The following PRKAA1 variants were observed in gnomAD, a reference collection of about 807,000 sequenced individuals.
The protein encoded by PRKAA1 is 5'-AMP-activated protein kinase catalytic subunit alpha-1.
In PRKAA1, 23 loss-of-function variants were observed where a neutral mutation model predicts 56.9. The ratio of observed to expected loss-of-function variants is 0.40; its 90% confidence interval spans 0.29 to 0.57. The LOEUF is 0.57. Among genes scored for constraint, PRKAA1 ranks in the 20% least tolerant of loss-of-function variants. The pLI is 0.39. For missense variants in PRKAA1, 413 were observed against 679.7 expected (o/e 0.61, Z 4.36); for synonymous variants, 226 against 227.0 (o/e 1.00, Z 0.04).
intron 3 of PRKAA1, 22 bp downstream of exon 3, chr5:40,775,388 G>A (rs757549167): frequency 3.2e-6 from 5 of 1,545,974 alleles, no homozygotes; most frequent in Non-Finnish European, 4.5e-6. Context: ...AATACATACA[G>A]AATTAAAGCA....
chr5:40,792,849 G>A (rs976098609), intron 1 of PRKAA1, among the ~76,000 whole-genome samples: 2 of 151,876 alleles, frequency 1.3e-5, no homozygotes, highest in Non-Finnish European at 2.9e-5. Flanking sequence ...GATCACCTGA[G>A]GTCAGGAGTT....
In PRKAA1 at chr5:40,798,153, C is replaced by A; in HGVS notation, c.37G>T (p.Ala13Ser). 1 of 1,591,964 alleles carries A rather than the reference C, an allele frequency of 6.3e-7. No homozygotes were observed. The highest frequency in any genetic ancestry group is 8.6e-7 in the Non-Finnish European group (1 of 1,167,446). Reference sequence around the variant, plus strand: ...CGCCCGTCGTGTTTCTGCTTCTCGGCTGTCGCCATCTTTCTCCAGGAACTG... The same window carrying A: ...CGCCCGTCGTGTTTCTGCTTCTCGGATGTCGCCATCTTTCTCCAGGAACTG... The part of the protein sequence containing the change: ...RLSSWRKMAT[A>S]EKQKHDGRVK... The change falls in exon 1 of 9, where the codon GCC becomes TCC. Residue 13 changes from alanine (A) to serine (S), a missense_variant. Ala to Ser is a moderately conservative substitution (Grantham distance 99). Around this residue, in one of 9 missense-constraint regions of PRKAA1, gnomAD observed 61 missense variants for 73.1 expected, o/e 0.83. Coordinates refer to ENST00000397128, the MANE Select transcript of PRKAA1 (RefSeq NM_006251.6).
chr5:40,797,203 T>C (rs1047288489), intron 1 of PRKAA1, among the ~76,000 whole-genome samples: 14 of 152,210 alleles, frequency 9.2e-5, no homozygotes, highest in Admixed American at 9.2e-4. Flanking sequence ...TGCTGTACAA[T>C]GCACCCAATA....
At chr5:40,787,705 T>TAA (rs142993409) in intron 1 of PRKAA1, among the ~76,000 whole-genome samples, 33 of 148,342 alleles carry the variant, frequency 2.2e-4, no homozygotes, top group Non-Finnish European at 2.8e-4. Flanking sequence ...TTGCAAAAGA[T>TAA]AAAAAGAAAA....
intron 1 of PRKAA1, among the ~76,000 whole-genome samples, chr5:40,788,600 C>T (rs1744591482): frequency 6.6e-6 from 1 of 152,100 alleles, no homozygotes; most frequent in Non-Finnish European, 1.5e-5. Flanking sequence ...CAGGCCGAGG[C>T]AGGCGGATCA....
intron 5 of PRKAA1, chr5:40,768,446 G>A (rs1459430081): frequency 1.1e-6 from 1 of 930,970 alleles, no homozygotes; most frequent in Non-Finnish European, 1.3e-6. Context: ...TCCATGTCCT[G>A]AATTGTTTTA....
intron 5 of PRKAA1, 24 bp downstream of exon 5, chr5:40,769,392 G>A: frequency 6.5e-7 from 1 of 1,532,544 alleles, no homozygotes; most frequent in Non-Finnish European, 9.0e-7. Flanking sequence ...AATGTATTGA[G>A]GGAGGCAGGG....
At chr5:40,767,396 C>CTT in intron 6 of PRKAA1, 70 bp downstream of exon 6, 77 of 1,036,872 alleles carry the variant, frequency 7.4e-5, no homozygotes, top group Non-Finnish European at 8.5e-5. Context: ...TGTTCTGCAA[C>CTT]TTTTTTTTTT....
Position 40,785,839 on chromosome 5 carries a change from CAGAGAG to C in PRKAA1, c.128-8259_128-8254del, listed in dbSNP as rs10594859. Among the ~76,000 whole-genome samples the C allele has an allele frequency of 7.0e-4, 41 of 58,544 alleles. No individual in the cohort carries two copies. In the South Asian group the frequency reaches 8.3e-3, roughly 12 times the overall value. 38.4% of individuals were successfully genotyped at this position (58,544 alleles called of 152,430 possible). On this transcript the variant is annotated intron_variant, in intron 1 of 8. Transcript: ENST00000397128. ...AGAGGAGAGCACACACACACACACA[CAGAGAG>C]AGAGAGAGAGAGAGAGAGAGAGAGA...
chr5:40,770,489 T>C (rs1371089845), intron 4 of PRKAA1, among the ~76,000 whole-genome samples: 1 of 151,760 alleles, frequency 6.6e-6, no homozygotes, highest in African/African-American at 2.4e-5. Flanking sequence ...AAAAAAGTTA[T>C]CTGATTTGAA....
intron 6 of PRKAA1, 70 bp downstream of exon 6, chr5:40,767,396 C>CT (rs900284432): frequency 0.041 from 38,653 of 940,702 alleles, no homozygotes; most frequent in South Asian, 0.052. Flanking sequence ...TGTTCTGCAA[C>CT]TTTTTTTTTT....
intron 3 of PRKAA1, among the ~76,000 whole-genome samples, chr5:40,774,387 A>G (rs1743891348): frequency 6.6e-6 from 1 of 152,152 alleles, no homozygotes; most frequent in Non-Finnish European, 1.5e-5. Context: ...AATTTCAGAA[A>G]ATAAGAAACT....
chr5:40,782,869 G>T (rs541993444), intron 1 of PRKAA1, among the ~76,000 whole-genome samples: 1 of 152,004 alleles, frequency 6.6e-6, no homozygotes, highest in Non-Finnish European at 1.5e-5. Context: ...CCAAAAGAAG[G>T]CATAATAAGC....
chr5:40,791,090 G>A lies in PRKAA1; in HGVS notation c.127+6973C>T, dbSNP rs559033773. 3.9e-5 allele frequency among the ~76,000 whole-genome samples: 6 copies of A among 152,282 alleles called. No homozygotes were observed. In the South Asian group the frequency reaches 8.3e-4, roughly 21 times the overall value. ...GTGCAGTGAGAGGGACAAAGGGCTT[G>A]GCATGGTATCAGAAACTAAACTGTT... On this transcript the variant is annotated intron_variant, in intron 1 of 8. Transcript: ENST00000397128.
chr5:40,775,350 G>A, intron 3 of PRKAA1, 60 bp downstream of exon 3: 3 of 1,313,378 alleles, frequency 2.3e-6, no homozygotes, highest in South Asian at 1.2e-5. Context: ...ACATTTTGAT[G>A]CTAGTAAAGG....
chr5:40,768,462 A>G (rs964014084), intron 5 of PRKAA1: 2 of 930,716 alleles, frequency 2.1e-6, no homozygotes, highest in African/African-American at 3.6e-5. Context: ...TTTTATTCCT[A>G]AAAGAATTAA....
intron 1 of PRKAA1, among the ~76,000 whole-genome samples, chr5:40,789,348 C>G (rs562845074): frequency 2.6e-4 from 39 of 152,238 alleles, no homozygotes; most frequent in Admixed American, 3.9e-4. Flanking sequence ...TGGCTATTAT[C>G]AAAAAGGTGA....
In PRKAA1 at chr5:40,760,623, ATTAC is replaced by A. The variant is rs1743143684; in HGVS notation, c.*2151_*2154del. The A allele has an allele frequency of 6.5e-6, 1 of 152,752 alleles. No homozygotes were observed. Among genetic ancestry groups the A allele is most frequent in the Non-Finnish European group, 1.5e-5 (1 of 68,012 alleles). The allele number at this position is 152,752 out of a possible 1,614,324, so 9.5% of individuals were successfully genotyped here. Reference sequence around the variant, plus strand: ...GAACTCATATTTAAATGGAACTTCTATTACTTTGTACAGCTTTCAAATTAGAAGT... The same window carrying A: ...GAACTCATATTTAAATGGAACTTCTATTTGTACAGCTTTCAAATTAGAAGT... On this transcript the variant is annotated 3_prime_UTR_variant, in exon 9 of 9. Transcript: ENST00000397128.
intron 2 of PRKAA1, among the ~76,000 whole-genome samples, chr5:40,776,198 G>C (rs1302628240): frequency 6.6e-6 from 1 of 152,230 alleles, no homozygotes; most frequent in Non-Finnish European, 1.5e-5. Context: ...AAGGAACTGA[G>C]AAGCAATCAA....
Sources: allele counts gnomAD v4.1 joint callset (sites outside exome capture counted in the v4.1 genomes callset), GRCh38; gene constraint gnomAD v4.1.1; regional missense constraint gnomAD v4.1.1; transcripts MANE v1.5; gene names NCBI Gene and HGNC (gene_info 2026-07-23, HGNC 2026-07-21).